Variants in GABBR2 observed in about 807,000 individuals in gnomAD.
GABBR2 encodes G-protein coupled receptor 51.
A neutral mutation model predicts 105.6 loss-of-function variants in GABBR2; 23 were observed. That is an observed-to-expected ratio of 0.22 (90% CI 0.16 to 0.31). GABBR2 has a LOEUF of 0.31. Among genes scored for constraint, GABBR2 ranks in the 10% least tolerant of loss-of-function variants. The probability of loss-of-function intolerance (pLI) is 1.00; values close to 1 mark genes in which losing one functional copy is unlikely to be tolerated. For synonymous variants in GABBR2, 478 were observed against 499.7 expected, an observed-to-expected ratio of 0.96 and a Z score of 0.58; for missense variants, 734 against 1,245.5, an observed-to-expected ratio of 0.59 and a Z score of 6.18.
chr9:98,667,535 G>C (rs10435850), intron 1 of GABBR2, among the ~76,000 whole-genome samples: 141,222 of 152,230 alleles, frequency 0.93, 65,632 homozygotes, highest in Middle Eastern at 0.97. Context: ...TGACATAGGG[G>C]TAGGAAGACC....
chr9:98,463,698 T>C (rs1216815303), intron 6 of GABBR2, among the ~76,000 whole-genome samples: 1 of 150,956 alleles, frequency 6.6e-6, no homozygotes, highest in Non-Finnish European at 1.5e-5. Flanking sequence ...AGTACTGCCG[T>C]GATCTCGGCT....
chr9:98,530,735 G>A (rs1045541261), intron 3 of GABBR2, among the ~76,000 whole-genome samples: 4 of 152,218 alleles, frequency 2.6e-5, no homozygotes, highest in South Asian at 2.1e-4. Flanking sequence ...AGTGAGCTAC[G>A]ACTGCACCAC....
At chr9:98,297,331 C>A (rs766330515) in intron 17 of GABBR2, among the ~76,000 whole-genome samples, 3 of 152,134 alleles carry the variant, frequency 2.0e-5, no homozygotes, top group Non-Finnish European at 4.4e-5. Flanking sequence ...GAATAAAAGG[C>A]CAGGCATGGT....
At chr9:98,556,246 G>A (rs572273266) in intron 2 of GABBR2, among the ~76,000 whole-genome samples, 266 of 152,270 alleles carry the variant, frequency 1.7e-3, no homozygotes, top group African/African-American at 6.0e-3. Flanking sequence ...TTGCCAAGGA[G>A]GCCTGAGAGC....
intron 3 of GABBR2, among the ~76,000 whole-genome samples, chr9:98,514,167 C>T (rs1338299006): frequency 7.6e-6 from 1 of 132,312 alleles, no homozygotes; most frequent in Non-Finnish European, 1.7e-5. Flanking sequence ...AAAAACCAAA[C>T]ACCGCATATT....
intron 1 of GABBR2, among the ~76,000 whole-genome samples, chr9:98,579,657 G>A (rs1828972860): frequency 6.6e-6 from 1 of 152,200 alleles, no homozygotes; most frequent in Admixed American, 6.5e-5. Context: ...GTGAACACAT[G>A]TCAAAGTTTT....
intron 7 of GABBR2, among the ~76,000 whole-genome samples, chr9:98,415,080 TA>T (rs1315179738): frequency 7.9e-5 from 12 of 152,034 alleles, no homozygotes; most frequent in Admixed American, 3.3e-4. Flanking sequence ...ATTAAAAAAG[TA>T]AAAAACAAAA....
intron 1 of GABBR2, among the ~76,000 whole-genome samples, chr9:98,705,946 C>T (rs1242038224): frequency 6.6e-6 from 1 of 152,112 alleles, no homozygotes; most frequent in Non-Finnish European, 1.5e-5. Flanking sequence ...CATGGTGGCA[C>T]ATGCCTGTAA....
chr9:98,297,605 C>A (rs1400505988), intron 17 of GABBR2, among the ~76,000 whole-genome samples: 1 of 151,100 alleles, frequency 6.6e-6, no homozygotes, highest in Non-Finnish European at 1.5e-5. Context: ...AAGAGCGAAA[C>A]CCCGTCTCAA....
At chr9:98,605,420 C>T (rs1325132303) in intron 1 of GABBR2, among the ~76,000 whole-genome samples, 1 of 152,230 alleles carries the variant, frequency 6.6e-6, no homozygotes, top group African/African-American at 2.4e-5. Flanking sequence ...AAGCTTGCAT[C>T]TGTATCTCAG....
At chr9:98,524,624 C>T (rs1827925820) in intron 3 of GABBR2, among the ~76,000 whole-genome samples, 3 of 152,108 alleles carry the variant, frequency 2.0e-5, no homozygotes, top group Admixed American at 2.0e-4. Flanking sequence ...AGATCAAAAA[C>T]TTTGGCGCCA....
At chr9:98,504,625 G>T (rs1478162570) in intron 3 of GABBR2, among the ~76,000 whole-genome samples, 1 of 152,214 alleles carries the variant, frequency 6.6e-6, no homozygotes, top group African/African-American at 2.4e-5. Flanking sequence ...AAATGCACTT[G>T]CTATATATAG....
At chr9:98,461,021 C>A (rs1017930465) in intron 6 of GABBR2, among the ~76,000 whole-genome samples, 7 of 152,102 alleles carry the variant, frequency 4.6e-5, no homozygotes, top group Middle Eastern at 3.2e-3. Flanking sequence ...AATTATAGGC[C>A]ATCTAAAATC....
chr9:98,463,603 GTCTCGC>G (rs756612555), intron 6 of GABBR2, among the ~76,000 whole-genome samples: 1,147 of 40,706 alleles, frequency 0.028, 8 homozygotes, highest in Non-Finnish European at 0.055. Context: ...CTCGCTCTCC[GTCTCGC>G]TCTCGCTCTC....
intron 1 of GABBR2, among the ~76,000 whole-genome samples, chr9:98,615,562 G>A (rs1829570898): frequency 6.6e-6 from 1 of 152,076 alleles, no homozygotes; most frequent in South Asian, 2.1e-4. Context: ...CTAAGGTAAC[G>A]TGCTTCCAGA....
intron 3 of GABBR2, among the ~76,000 whole-genome samples, chr9:98,502,127 T>C (rs904918215): frequency 6.6e-6 from 1 of 151,592 alleles, no homozygotes; most frequent in Non-Finnish European, 1.5e-5. Flanking sequence ...CTGCAAGACA[T>C]AGGGGGAGAA....
At chr9:98,447,018 T>A (rs1456310532) in intron 7 of GABBR2, among the ~76,000 whole-genome samples, 1 of 151,896 alleles carries the variant, frequency 6.6e-6, no homozygotes, top group African/African-American at 2.4e-5. Context: ...CCCGGTGCCC[T>A]GTTTCTTGTC....
At chr9:98,422,398 A>T (rs1832797611) in intron 7 of GABBR2, among the ~76,000 whole-genome samples, 1 of 152,138 alleles carries the variant, frequency 6.6e-6, no homozygotes, top group Admixed American at 6.6e-5. Context: ...TACTTAGTCG[A>T]ATTAAGTGTC....
chr9:98,377,235 G>C (rs1831891222), intron 11 of GABBR2, among the ~76,000 whole-genome samples: 1 of 151,986 alleles, frequency 6.6e-6, no homozygotes, highest in South Asian at 2.1e-4. Context: ...GGAGGGGGTG[G>C]GGTGTGGTGG....
Sources: allele counts gnomAD v4.1 joint callset (sites outside exome capture counted in the v4.1 genomes callset), GRCh38; gene constraint gnomAD v4.1.1; transcripts MANE v1.5; gene names NCBI Gene and HGNC (gene_info 2026-07-23, HGNC 2026-07-21).